CTNND1: variants seen among roughly 807,000 people sequenced by gnomAD.
CTNND1 encodes catenin delta-1.
In CTNND1, 16 loss-of-function variants were observed where a neutral mutation model predicts 112.1. The ratio of observed to expected loss-of-function variants is 0.14; its 90% CI spans 0.10 to 0.22. The LOEUF is 0.22. Among genes scored for constraint, CTNND1 ranks in the 10% least tolerant of loss-of-function variants. CTNND1 has a pLI of 1.00. For missense variants in CTNND1, 1,008 were observed against 1,257.0 expected, an observed-to-expected ratio of 0.80 and a Z score of 3.00; for synonymous variants, 420 against 446.5, an observed-to-expected ratio of 0.94 and a Z score of 0.75.
chr11:57,784,103 T>G (rs1374204643), intron 1 of CTNND1, among the ~76,000 whole-genome samples: 1 of 151,696 alleles, frequency 6.6e-6, no homozygotes, highest in Non-Finnish European at 1.5e-5. Flanking sequence ...AATTTTTTTG[T>G]AGAGGTGGGG....
chr11:57,773,534 C>G (rs1397309109), intron 1 of CTNND1, among the ~76,000 whole-genome samples: 2 of 151,712 alleles, frequency 1.3e-5, no homozygotes, highest in Non-Finnish European at 2.9e-5. Context: ...TCACTGCAAC[C>G]TCCACCTCCT....
Position 57,802,079 on chromosome 11 carries a change from A to C in CTNND1, c.1303A>C (p.Ile435Leu). The C allele has an allele frequency of 6.2e-7, 1 of 1,613,994 alleles. No homozygotes were observed. The highest frequency in any genetic ancestry group is 2.2e-5 in the East Asian group (1 of 44,884). Residue 435 changes from isoleucine to leucine, a missense_variant, in exon 7 of 21, where the codon ATC becomes CTC. Transcript: ENST00000399050. ...HLGACGALKN[I>L]SFGRDQDNKI... is the part of the protein sequence containing the mutation. ...TGGAGCCTGTGGAGCTCTCAAGAAT[A>C]TCTCTTTTGGACGTGACCAGGATAA...
At chr11:57,796,386 C>CA (rs369962232) in intron 5 of CTNND1, 71 bp from the exon 6 acceptor site, 84,099 of 1,029,058 alleles carry the variant, frequency 0.082, no homozygotes, top group Non-Finnish European at 0.09. Flanking sequence ...GACTCCATCT[C>CA]AAAAAAAAAA....
chr11:57,784,513 G>A (rs1173426838), intron 1 of CTNND1, among the ~76,000 whole-genome samples: 1 of 151,634 alleles, frequency 6.6e-6, no homozygotes, highest in Non-Finnish European at 1.5e-5. Context: ...TTTTGTTGTT[G>A]TTGTTTTTGA....
At chr11:57,816,129 G>A in intron 20 of CTNND1, 128 bp downstream of exon 20, 6 of 1,147,354 alleles carry the variant, frequency 5.2e-6, no homozygotes, top group Non-Finnish European at 7.6e-6. Context: ...GGCTCGAGGG[G>A]TTCTGCTTTT....
intron 6 of CTNND1, among the ~76,000 whole-genome samples, chr11:57,797,340 C>T (rs2061450480): frequency 6.7e-6 from 1 of 148,798 alleles, no homozygotes; most frequent in African/African-American, 2.4e-5. Flanking sequence ...AAGTGATTCT[C>T]ATGCCTCAGC....
Position 57,791,399 on chromosome 11 carries a change from G to T in CTNND1, c.-80G>T. Reference sequence around the variant, plus strand: ...TTTCCCGGTAGTGTGAAGTGAGGGGGTCTCTCTCCCTCCTTCTCCTTCCTC... The same window carrying T: ...TTTCCCGGTAGTGTGAAGTGAGGGGTTCTCTCTCCCTCCTTCTCCTTCCTC... On this transcript the variant is annotated 5_prime_UTR_variant, in exon 3 of 21. Transcript: ENST00000399050. 2 of 1,373,408 alleles carry T rather than the reference G, an allele frequency of 1.5e-6. No individual in the cohort carries two copies. Among genetic ancestry groups the T allele is most frequent in the Middle Eastern group, 2.7e-4 (1 of 3,654 alleles). 85.1% of individuals were successfully genotyped at this position (1,373,408 alleles called of 1,614,324 possible). A position where few individuals can be genotyped will look rare whatever the true frequency, so the allele number is the denominator to read the frequency against.
chr11:57,809,486 T>C lies in CTNND1; in HGVS notation c.2435+20T>C, dbSNP rs2063076048. The stretch of plus-strand genomic sequence containing the variant: ...ATCAGGGTGAGCTTACCACCTAAAA[T>C]TACAGTCAAAAGAATTTGAGTGAGT... On this transcript the variant is annotated intron_variant, in intron 15 of 20. Coordinates refer to ENST00000399050, the MANE Select transcript of CTNND1 (RefSeq NM_001085458.2). 2 of 1,589,198 alleles carry C rather than the reference T, an allele frequency of 1.3e-6. No individual in the cohort carries two copies. Among genetic ancestry groups the C allele is most frequent in the Non-Finnish European group, 1.7e-6 (2 of 1,166,054 alleles).
intron 12 of CTNND1, among the ~76,000 whole-genome samples, chr11:57,807,291 A>G (rs1467441710): frequency 6.6e-6 from 1 of 152,170 alleles, no homozygotes; most frequent in Non-Finnish European, 1.5e-5. Flanking sequence ...TCACTATTAA[A>G]AGAGGCTTCT....
chr11:57,815,858 C>A, intron 19 of CTNND1, 57 bp from the exon 20 acceptor site: 1 of 1,444,162 alleles, frequency 6.9e-7, no homozygotes, highest in East Asian at 2.3e-5. Context: ...CTAGCTCTGG[C>A]ACACACTCAT....
At chr11:57,784,549 G>T (rs1265743445) in intron 1 of CTNND1, among the ~76,000 whole-genome samples, 1 of 152,068 alleles carries the variant, frequency 6.6e-6, no homozygotes, top group African/African-American at 2.4e-5. Context: ...TGTCATCCAG[G>T]CTGGAGTGCA....
intron 1 of CTNND1, among the ~76,000 whole-genome samples, chr11:57,776,639 C>T (rs1031796336): frequency 6.6e-6 from 1 of 152,140 alleles, no homozygotes; most frequent in African/African-American, 2.4e-5. Context: ...TTTAGTTGGG[C>T]TTTCTAAATA....
chr11:57,807,362 T>G (rs1307767864), intron 12 of CTNND1, among the ~76,000 whole-genome samples: 2 of 152,110 alleles, frequency 1.3e-5, no homozygotes, highest in Non-Finnish European at 2.9e-5. Flanking sequence ...TCCCAGCACT[T>G]TGGGAGGCCG....
At chr11:57,785,884 G>T (rs1443067583) in intron 1 of CTNND1, among the ~76,000 whole-genome samples, 1 of 151,828 alleles carries the variant, frequency 6.6e-6, no homozygotes, top group East Asian at 1.9e-4. Context: ...CTCCTATCTG[G>T]TTAGCACTGT....
intron 1 of CTNND1, among the ~76,000 whole-genome samples, chr11:57,780,628 T>G (rs890595808): frequency 6.6e-6 from 1 of 152,228 alleles, no homozygotes; most frequent in Non-Finnish European, 1.5e-5. Context: ...TGGGATTTTC[T>G]TCTTTCAGAT....
intron 5 of CTNND1, 56 bp from the exon 6 acceptor site, chr11:57,796,401 A>C: frequency 6.9e-7 from 1 of 1,453,628 alleles, no homozygotes; most frequent in African/African-American, 1.4e-5. Context: ...AAAAAAAAAG[A>C]ATTTAATTGC....
chr11:57,790,584 G>T (rs1372745214), intron 2 of CTNND1, among the ~76,000 whole-genome samples: 1 of 130,752 alleles, frequency 7.6e-6, no homozygotes, highest in Non-Finnish European at 1.6e-5. Context: ...TTGAGACGGA[G>T]TCTTGCACTG....
At chr11:57,778,964 T>G (rs888826161) in intron 1 of CTNND1, among the ~76,000 whole-genome samples, 15 of 152,164 alleles carry the variant, frequency 9.9e-5, no homozygotes, top group African/African-American at 3.6e-4. Flanking sequence ...GCCTTTTGCG[T>G]TTTAGCACTT....
At chr11:57,775,347 C>A (rs63401263) in intron 1 of CTNND1, among the ~76,000 whole-genome samples, 50 of 110,202 alleles carry the variant, frequency 4.5e-4, no homozygotes, top group Middle Eastern at 4.6e-3. Flanking sequence ...AAAAAAAAAA[C>A]AACACACACA....
Sources: gnomAD v4.1 joint callset for allele counts (sites outside exome capture counted in the v4.1 genomes callset) on GRCh38, gnomAD v4.1.1 for gene constraint, MANE v1.5 for transcripts, NCBI Gene and HGNC (gene_info 2026-07-23, HGNC 2026-07-21) for gene names.